Variants in MBNL2 observed in about 807,000 individuals in gnomAD.
The protein encoded by MBNL2 is muscleblind-like protein 2.
MBNL2 carries 17 observed loss-of-function variants against 41.9 expected under a neutral mutation model. That is an observed-to-expected ratio of 0.41 (90% CI 0.28 to 0.61). The LOEUF is 0.61. MBNL2 is among the 20% of genes least tolerant of loss of function. MBNL2 has a pLI of 0.35. For missense variants in MBNL2, 336 were observed against 505.6 expected (o/e 0.66, Z 3.22); for synonymous variants, 195 against 182.9 (o/e 1.07, Z -0.53).
intron 1 of MBNL2, among the ~76,000 whole-genome samples, chr13:97,248,268 TGTGCCACCACAACCA>T: frequency 6.6e-6 from 1 of 152,308 alleles, no homozygotes; most frequent in Non-Finnish European, 1.5e-5. Context: ...ACTACAGGCG[TGTGCCACCACAACCA>T]GTTAATTTTT....
chr13:97,229,857 A>G (rs1046037468), intron 1 of MBNL2, among the ~76,000 whole-genome samples: 4 of 152,256 alleles, frequency 2.6e-5, no homozygotes, highest in Non-Finnish European at 5.9e-5. Context: ...GAACATTTGT[A>G]ACTAGTGATG....
chr13:97,252,059 C>A (rs111836158), intron 1 of MBNL2, among the ~76,000 whole-genome samples: 11,216 of 150,896 alleles, frequency 0.074, 601 homozygotes, highest in African/African-American at 0.15. Flanking sequence ...ACCTTGTTAG[C>A]CAGGATGGTC....
chr13:97,232,849 C>CTGTGTGTGTGTGTG (rs1424948508), intron 1 of MBNL2, among the ~76,000 whole-genome samples: 2 of 97,750 alleles, frequency 2.0e-5, no homozygotes, highest in Admixed American at 1.1e-4. Context: ...ACTCTTGACG[C>CTGTGTGTGTGTGTG]TATGTGTGTG....
rs781253438 is a variant in MBNL2 at position 97,366,429 on chromosome 13, T to A, written c.1048+1258T>A. ...TTACCATAATGCTACACCCTCCTGTTCATTGCTCCCATGGTTCCCCTCCTG... is the reference window on the plus strand; with the variant it reads ...TTACCATAATGCTACACCCTCCTGTACATTGCTCCCATGGTTCCCCTCCTG... On this transcript the variant is annotated intron_variant, in intron 8 of 8. Transcript: ENST00000679496. The surrounding 1 kb of genome is among the most constrained non-coding windows in gnomAD (Gnocchi z 4.7). The A allele has an allele frequency of 1.8e-5, 19 of 1,062,606 alleles. No homozygotes were observed. The South Asian group carries it at 2.2e-4, about 12-fold the overall frequency. The allele number at this position is 1,062,606 out of a possible 1,614,324, so 65.8% of individuals were successfully genotyped here.
At chr13:97,267,087 C>T (rs902367746) in intron 1 of MBNL2, among the ~76,000 whole-genome samples, 3 of 152,098 alleles carry the variant, frequency 2.0e-5, no homozygotes, top group Non-Finnish European at 4.4e-5. Context: ...GATGTTTTTC[C>T]CTTAAAAAAT....
chr13:97,189,847 T>C, the MBNL2 span, among the ~76,000 whole-genome samples: 1 of 152,226 alleles, frequency 6.6e-6, no homozygotes, highest in Admixed American at 6.5e-5. Context: ...CAAATGGTTA[T>C]TAATGTTTAC....
rs144604654 is a variant in MBNL2 at position 97,297,694 on chromosome 13, T to C, written c.174+21285T>C. 8.7e-4 allele frequency among the ~76,000 whole-genome samples: 132 copies of C among 152,326 alleles called. 1 individual carries two copies. The highest frequency in any genetic ancestry group is 1.7e-3 in the Admixed American group (26 of 15,308). On this transcript the variant is annotated intron_variant, in intron 2 of 8. Coordinates refer to ENST00000679496, the MANE Select transcript of MBNL2 (RefSeq NM_001382683.1). ...CACTCTGCAACAATAGAGACTAAGA[T>C]GCTGCTTAAAGGCCTTGCTGCATGT...
At chr13:97,208,235 A>G in the MBNL2 span, among the ~76,000 whole-genome samples, 2 of 152,244 alleles carry the variant, frequency 1.3e-5, no homozygotes, top group Non-Finnish European at 2.9e-5. Context: ...ATTCCCACAT[A>G]AGCCCAAAGG....
the MBNL2 span, among the ~76,000 whole-genome samples, chr13:97,197,931 T>G: frequency 6.6e-6 from 1 of 152,186 alleles, no homozygotes; most frequent in South Asian, 2.1e-4. Context: ...AGAAAGATAT[T>G]AGTAGAAATA....
chr13:97,299,072 G>T (rs370529898), intron 2 of MBNL2, among the ~76,000 whole-genome samples: 3 of 152,298 alleles, frequency 2.0e-5, no homozygotes, highest in African/African-American at 7.2e-5. Context: ...GGAATTGCAG[G>T]ATTAGGACTG....
chr13:97,345,607 TTTC>T (rs2061770037), intron 4 of MBNL2, among the ~76,000 whole-genome samples: 1 of 152,198 alleles, frequency 6.6e-6, no homozygotes, highest in Non-Finnish European at 1.5e-5. Flanking sequence ...TTGTCTTTTT[TTTC>T]TTTTCTGTGC....
chr13:97,310,217 A>G (rs549867298), intron 2 of MBNL2, among the ~76,000 whole-genome samples: 1 of 152,284 alleles, frequency 6.6e-6, no homozygotes, highest in South Asian at 2.1e-4. Flanking sequence ...GTGTGATCCC[A>G]GACAAGTCAC....
the MBNL2 span, among the ~76,000 whole-genome samples, chr13:97,186,865 G>A: frequency 7.2e-5 from 11 of 152,136 alleles, no homozygotes; most frequent in African/African-American, 2.7e-4. Context: ...GGAAAGGGTG[G>A]CATTTCACAC....
In MBNL2 at chr13:97,391,659, T is replaced by C; in HGVS notation, c.*210T>C. 6.7e-6 allele frequency: 3 copies of C among 449,680 alleles called. No homozygotes were observed. Among genetic ancestry groups the C allele is most frequent in the Non-Finnish European group, 1.2e-5 (3 of 257,210 alleles). The allele number at this position is 449,680 out of a possible 1,614,324, so 27.9% of individuals were successfully genotyped here. On this transcript the variant is annotated 3_prime_UTR_variant, in exon 9 of 9. Transcript: ENST00000679496. ...TTTCTGTCCTAGGAATATTGTCTTA[T>C]CTCCATAACTATAGCTGATGCAGAA...
chr13:97,239,923 A>G (rs1487894709), intron 1 of MBNL2, among the ~76,000 whole-genome samples: 2 of 152,220 alleles, frequency 1.3e-5, no homozygotes, highest in Non-Finnish European at 2.9e-5. Flanking sequence ...CCACTGGTAC[A>G]AGGTTGTATT....
intron 1 of MBNL2, among the ~76,000 whole-genome samples, chr13:97,240,062 TG>T (rs1183513557): frequency 6.6e-6 from 1 of 152,232 alleles, no homozygotes; most frequent in African/African-American, 2.4e-5. Context: ...CACATACTCT[TG>T]GGAAGCTTGT....
chr13:97,310,690 A>T (rs1370080323), intron 2 of MBNL2, among the ~76,000 whole-genome samples: 1 of 151,948 alleles, frequency 6.6e-6, no homozygotes, highest in African/African-American at 2.4e-5. Flanking sequence ...CAGCCTCCCA[A>T]AGTGCTGGGA....
At chr13:97,349,030 C>T (rs2062163914) in intron 5 of MBNL2, among the ~76,000 whole-genome samples, 1 of 152,176 alleles carries the variant, frequency 6.6e-6, no homozygotes, top group African/African-American at 2.4e-5. Context: ...GAGCACTGGC[C>T]TCGTCATCTA....
At chr13:97,258,896 G>C (rs1365459575) in intron 1 of MBNL2, among the ~76,000 whole-genome samples, 1 of 152,088 alleles carries the variant, frequency 6.6e-6, no homozygotes. Context: ...TGTGACCTGA[G>C]TTCAGACATA....
Sources: allele counts gnomAD v4.1 joint callset (sites outside exome capture counted in the v4.1 genomes callset), GRCh38; gene constraint gnomAD v4.1.1; non-coding constraint Gnocchi (gnomAD v3.1); transcripts MANE v1.5; gene names NCBI Gene and HGNC (gene_info 2026-07-23, HGNC 2026-07-21).